The following CFAP52 variants were observed in gnomAD, a reference collection of about 807,000 sequenced individuals.
CFAP52 encodes the protein cilia and flagella associated protein 52, also known as cilia- and flagella-associated protein 52.
A neutral mutation model predicts 70.5 loss-of-function variants in CFAP52; 57 were observed. That is an observed-to-expected ratio of 0.81 (90% confidence interval 0.65 to 1.01). CFAP52 has a LOEUF of 1.01. Ranked by LOEUF, CFAP52 falls within the 50% of genes least tolerant of loss-of-function variation. The pLI, the probability that CFAP52 is intolerant of heterozygous loss-of-function variation, is 0.00. For missense variants in CFAP52, 785 were observed against 788.5 expected, an observed-to-expected ratio of 1.00 and a Z score of 0.05; for synonymous variants, 267 against 292.5, an observed-to-expected ratio of 0.91 and a Z score of 0.89.
intron 12 of CFAP52, 38 bp downstream of exon 12, chr17:9,638,749 C>G (rs1248313831): frequency 6.2e-7 from 1 of 1,601,702 alleles, no homozygotes; most frequent in Non-Finnish European, 8.6e-7. Flanking sequence ...CTTTCCAGCG[C>G]AAGAGAAAAG....
chr17:9,598,604 A>C (rs1909125331), intron 5 of CFAP52: 2 of 216,514 alleles, frequency 9.2e-6, no homozygotes, highest in Admixed American at 5.7e-5. Context: ...TCTACTAAAA[A>C]TACACAAGTA....
intron 11 of CFAP52, 30 bp downstream of exon 11, chr17:9,635,586 G>T: frequency 6.2e-7 from 1 of 1,613,560 alleles, no homozygotes; most frequent in Non-Finnish European, 8.5e-7. Flanking sequence ...AGGATGCAGT[G>T]ATACCTGCAA....
intron 1 of CFAP52, among the ~76,000 whole-genome samples, chr17:9,585,485 G>A (rs1312461763): frequency 6.6e-6 from 1 of 152,078 alleles, no homozygotes; most frequent in Non-Finnish European, 1.5e-5. Flanking sequence ...TGACCAACAT[G>A]GTGAAACCCC....
chr17:9,588,840 G>A (rs979114898), intron 3 of CFAP52, among the ~76,000 whole-genome samples: 1 of 146,148 alleles, frequency 6.8e-6, no homozygotes, highest in Admixed American at 7.1e-5. Flanking sequence ...GCACAATCTC[G>A]GCTCACTGCA....
chr17:9,596,059 G>GTGTGTGTGTATATATATA (rs1555541607), intron 4 of CFAP52, among the ~76,000 whole-genome samples: 7 of 85,212 alleles, frequency 8.2e-5, no homozygotes, highest in Admixed American at 1.3e-4. Flanking sequence ...ATATGTGTGT[G>GTGTGTGTGTATATATATA]TATATATATA....
chr17:9,585,555 CA>C (rs1388327589), intron 1 of CFAP52, among the ~76,000 whole-genome samples: 1 of 152,054 alleles, frequency 6.6e-6, no homozygotes, highest in Non-Finnish European at 1.5e-5. Context: ...CCTGTAATCC[CA>C]GCTACTCGGG....
Position 9,643,205 on chromosome 17 carries a change from T to A in CFAP52, c.*7T>A. 6.3e-7 allele frequency: 1 copy of A among 1,597,848 alleles called. No homozygotes were observed. The highest frequency in any genetic ancestry group is 1.7e-5 in the Admixed American group (1 of 58,258). On this transcript the variant is annotated 3_prime_UTR_variant, in exon 14 of 14. Coordinates refer to ENST00000352665, the MANE Select transcript of CFAP52 (RefSeq NM_145054.5). ...GTACCCATATACCTCCTGAAGCTGA[T>A]GAGATGTCTCTGAGCCTTGGCGTTG...
chr17:9,644,082 C>A (rs1461816426), downstream of CFAP52, among the ~76,000 whole-genome samples: 1 of 152,136 alleles, frequency 6.6e-6, no homozygotes, highest in East Asian at 1.9e-4. Flanking sequence ...TGCTGTAACC[C>A]GGTTTGAAAG....
rs770507362 is a variant in CFAP52, at chr17:9,643,235, C to T, written c.*37C>T. ...TGTCTCTGAGCCTTGGCGTTGCACG[C>T]AGTCCTGTTGAAGACTGAGTTTAGA... is the stretch of plus-strand genomic sequence containing the variant. On this transcript the variant is annotated 3_prime_UTR_variant, in exon 14 of 14. Transcript: ENST00000352665. 1 of 1,516,968 alleles carries T rather than the reference C, an allele frequency of 6.6e-7. No homozygotes were observed. Among genetic ancestry groups the T allele is most frequent in the South Asian group, 1.4e-5 (1 of 69,968 alleles). The allele number at this position is 1,516,968 out of a possible 1,614,324, so 94.0% of individuals were successfully genotyped here. A position where few individuals can be genotyped will look rare whatever the true frequency, so the allele number is the denominator to read the frequency against.
At chr17:9,581,849 C>T (rs1007840202) in intron 1 of CFAP52, among the ~76,000 whole-genome samples, 9 of 152,138 alleles carry the variant, frequency 5.9e-5, no homozygotes, top group African/African-American at 7.2e-5. Context: ...ATTCCCACTC[C>T]GCAGTTCCAC....
rs62064103 is a variant in CFAP52 at position 9,577,956 on chromosome 17, G to A, written c.70+1191G>A. Reference sequence around the variant, plus strand: ...AAAATACAAAAATTATCCGGGCGTGGTGGTAGGTGCCTGTAATCCCAGCTA... The same window carrying A: ...AAAATACAAAAATTATCCGGGCGTGATGGTAGGTGCCTGTAATCCCAGCTA... On this transcript the variant is annotated intron_variant, in intron 1 of 13. Transcript: ENST00000352665. Among the ~76,000 whole-genome samples, 935 of 152,304 alleles carry A rather than the reference G, an allele frequency of 6.1e-3. 2 individuals are homozygous for A. Among genetic ancestry groups the A allele is most frequent in the Non-Finnish European group, 0.011 (745 of 68,024 alleles).
At position 9,586,756 on chromosome 17, in the gene CFAP52, A is replaced by G; in HGVS notation, c.329A>G (p.His110Arg). Residue 110 changes from histidine to arginine, a missense_variant, in exon 3 of 14, where the codon CAC (histidine) becomes CGC (arginine). Coordinates refer to ENST00000352665, the MANE Select transcript of CFAP52 (RefSeq NM_145054.5). ...NRELLARLSL[H>R]KGKIEALAFS... is the part of the protein sequence containing the mutation. ...GAGCTGCTTGCTCGGCTGTCCCTTC[A>G]CAAAGGCAAAATTGAAGCTCTGGCC... The G allele has an allele frequency of 6.2e-7, 1 of 1,613,950 alleles. No homozygotes were observed. The highest frequency in any genetic ancestry group is 8.5e-7 in the Non-Finnish European group (1 of 1,179,968).
chr17:9,614,477 A>G (rs1909834320), intron 8 of CFAP52, among the ~76,000 whole-genome samples: 2 of 152,092 alleles, frequency 1.3e-5, no homozygotes, highest in African/African-American at 4.8e-5. Flanking sequence ...TTCTCTTGCC[A>G]TCAATTTTAC....
chr17:9,628,294 T>G (rs911572288), intron 8 of CFAP52, among the ~76,000 whole-genome samples: 19 of 151,076 alleles, frequency 1.3e-4, no homozygotes, highest in African/African-American at 4.4e-4. Context: ...TTTTTTTTTT[T>G]TTTGAGATGG....
At chr17:9,603,797 G>T (rs570316236) in intron 6 of CFAP52, among the ~76,000 whole-genome samples, 4 of 152,240 alleles carry the variant, frequency 2.6e-5, no homozygotes, top group South Asian at 2.1e-4. Context: ...TAACAAACCC[G>T]CATGTTCTGC....
At chr17:9,605,139 A>C (rs1909434236) in intron 6 of CFAP52, among the ~76,000 whole-genome samples, 1 of 152,230 alleles carries the variant, frequency 6.6e-6, no homozygotes, top group Non-Finnish European at 1.5e-5. Flanking sequence ...GAGAACCTGC[A>C]CACAGATGTT....
At chr17:9,622,507 T>C (rs1033516183) in intron 8 of CFAP52, among the ~76,000 whole-genome samples, 3 of 150,962 alleles carry the variant, frequency 2.0e-5, no homozygotes, top group Non-Finnish European at 2.9e-5. Context: ...CACCAGTGCA[T>C]GCCAGCCTGG....
intron 11 of CFAP52, among the ~76,000 whole-genome samples, chr17:9,637,928 G>T (rs984027582): frequency 1.3e-5 from 2 of 152,072 alleles, no homozygotes; most frequent in African/African-American, 2.4e-5. Flanking sequence ...CTTCAGTTGC[G>T]GGAGGCCAGC....
intron 1 of CFAP52, among the ~76,000 whole-genome samples, chr17:9,579,311 G>A (rs1379912015): frequency 1.3e-5 from 2 of 152,062 alleles, no homozygotes; most frequent in East Asian, 3.9e-4. Flanking sequence ...AGAATATTTC[G>A]GGTTACAGCA....
Sources: allele counts gnomAD v4.1 joint callset (sites outside exome capture counted in the v4.1 genomes callset), GRCh38; gene constraint gnomAD v4.1.1; transcripts MANE v1.5; gene names NCBI Gene and HGNC (gene_info 2026-07-23, HGNC 2026-07-21).